The following PRDM10 variants were observed in gnomAD, a reference collection of about 807,000 sequenced individuals.
PRDM10 encodes PR/SET domain 10.
PRDM10 carries 65 observed loss-of-function variants against 133.1 expected under a neutral mutation model. That is an observed-to-expected ratio of 0.49 (90% CI 0.40 to 0.60). The LOEUF (loss-of-function observed/expected upper bound fraction) is 0.60, where lower values mean the gene tolerates loss of function less well. Ranked by LOEUF, PRDM10 falls within the 20% of genes least tolerant of loss-of-function variation. PRDM10 has a pLI of 0.00. For missense variants in PRDM10, 1,137 were observed against 1,507.1 expected, an observed-to-expected ratio of 0.75 and a Z score of 4.07; for synonymous variants, 582 against 580.4, an observed-to-expected ratio of 1.00 and a Z score of -0.04.
chr11:129,939,654 G>A (rs1248840108), intron 7 of PRDM10, among the ~76,000 whole-genome samples: 1 of 152,168 alleles, frequency 6.6e-6, no homozygotes, highest in East Asian at 1.9e-4. Context: ...GACACCCCAT[G>A]AGTGAACACG....
At chr11:129,933,758 A>C (rs953805496) in intron 9 of PRDM10, among the ~76,000 whole-genome samples, 7 of 152,172 alleles carry the variant, frequency 4.6e-5, no homozygotes, top group African/African-American at 1.2e-4. Flanking sequence ...CCATGAACAG[A>C]GTTTTGGAGA....
intron 4 of PRDM10, among the ~76,000 whole-genome samples, chr11:129,952,280 T>C (rs1180458433): frequency 1.3e-5 from 2 of 152,168 alleles, no homozygotes; most frequent in Non-Finnish European, 2.9e-5. Context: ...AAAATTTGCC[T>C]ATCGGATTGG....
intron 1 of PRDM10, among the ~76,000 whole-genome samples, chr11:129,999,765 TAA>T (rs535632149): frequency 5.9e-4 from 90 of 152,336 alleles, no homozygotes; most frequent in African/African-American, 1.8e-3. Context: ...ATTACGCTTT[TAA>T]AAAGTTACAA....
At chr11:129,992,233 G>A (rs760794803) in intron 1 of PRDM10, among the ~76,000 whole-genome samples, 23 of 152,186 alleles carry the variant, frequency 1.5e-4, no homozygotes, top group Non-Finnish European at 2.6e-4. Context: ...TAGTCCACCT[G>A]ATTCGAAATG....
chr11:130,002,568 G>C (rs1939487926), intron 1 of PRDM10, among the ~76,000 whole-genome samples, 154 bp downstream of exon 1: 1 of 151,742 alleles, frequency 6.6e-6, no homozygotes, highest in African/African-American at 2.4e-5. Context: ...CCCCCACCCG[G>C]GTCCGCGGTC....
chr11:129,968,402 C>A (rs1441968430), intron 1 of PRDM10, among the ~76,000 whole-genome samples: 4 of 152,040 alleles, frequency 2.6e-5, no homozygotes, highest in African/African-American at 9.7e-5. Flanking sequence ...GACTGATGAG[C>A]CTGCAAGATG....
Position 129,952,929 on chromosome 11 carries a change from G to T in PRDM10, c.294+2583C>A, listed in dbSNP as rs115523646. 2.1e-3 allele frequency among the ~76,000 whole-genome samples: 313 copies of T among 152,038 alleles called. 4 individuals are homozygous for T. Among genetic ancestry groups the T allele is most frequent in the African/African-American group, 6.9e-3 (285 of 41,452 alleles). On this transcript the variant is annotated intron_variant, in intron 4 of 20. Transcript: ENST00000360871. ...TCATCTGTAAATAGTTGAGTACAAT[G>T]AAATGACTTTTAGATTGCATATCTT...
intron 17 of PRDM10, among the ~76,000 whole-genome samples, chr11:129,913,729 A>G (rs1950264371): frequency 6.6e-6 from 1 of 152,216 alleles, no homozygotes; most frequent in Non-Finnish European, 1.5e-5. Flanking sequence ...CCTCCATAAG[A>G]AAAACAAGAC....
intron 17 of PRDM10, among the ~76,000 whole-genome samples, chr11:129,913,677 C>G (rs909669746): frequency 2.0e-5 from 3 of 152,188 alleles, no homozygotes; most frequent in African/African-American, 7.2e-5. Context: ...CAGGCAACTT[C>G]AGGGACTCAT....
At chr11:129,961,299 G>A (rs1951790498) in intron 1 of PRDM10, among the ~76,000 whole-genome samples, 1 of 151,716 alleles carries the variant, frequency 6.6e-6, no homozygotes, top group African/African-American at 2.4e-5. Context: ...TTTTGGGGGG[G>A]TGAGGGGAGT....
intron 1 of PRDM10, among the ~76,000 whole-genome samples, chr11:129,979,478 T>A (rs554279607): frequency 3.7e-4 from 56 of 152,240 alleles, no homozygotes; most frequent in African/African-American, 1.3e-3. Flanking sequence ...TAAGACTCAG[T>A]CAGCTCCAGG....
At chr11:129,953,395 G>A (rs770650920) in intron 4 of PRDM10, among the ~76,000 whole-genome samples, 8 of 152,006 alleles carry the variant, frequency 5.3e-5, no homozygotes, top group Non-Finnish European at 1.0e-4. Context: ...CCTGGTTCAA[G>A]CGATTCTCCT....
intron 3 of PRDM10, among the ~76,000 whole-genome samples, chr11:129,956,138 T>A (rs991304627): frequency 3.9e-5 from 6 of 152,044 alleles, no homozygotes; most frequent in African/African-American, 1.2e-4. Flanking sequence ...AAAAAAAAAA[T>A]TAATCATCAT....
chr11:129,975,817 C>T (rs1020841635), intron 1 of PRDM10, among the ~76,000 whole-genome samples: 1 of 152,214 alleles, frequency 6.6e-6, no homozygotes, highest in African/African-American at 2.4e-5. Context: ...GTGGCTGCAC[C>T]AAGTGCCTTC....
intron 1 of PRDM10, among the ~76,000 whole-genome samples, chr11:129,977,187 G>A (rs934273689): frequency 1.3e-5 from 2 of 150,926 alleles, no homozygotes; most frequent in African/African-American, 2.4e-5. Context: ...CCCTCTTATC[G>A]TACCACTGTG....
At chr11:129,943,070 T>A (rs1004561183) in intron 6 of PRDM10, among the ~76,000 whole-genome samples, 6 of 151,934 alleles carry the variant, frequency 3.9e-5, no homozygotes, top group Admixed American at 3.9e-4. Context: ...ACAAAGAAAA[T>A]CTCCCCATGA....
At chr11:129,995,951 CAAAAG>C (rs71473899) in intron 1 of PRDM10, among the ~76,000 whole-genome samples, 17,081 of 149,264 alleles carry the variant, frequency 0.11, 1,695 homozygotes, top group East Asian at 0.43. Context: ...GTCTCAAAAA[CAAAAG>C]AAAAGAAAAG....
Position 129,961,685 on chromosome 11 carries a change from G to C in PRDM10, c.-118-603C>G, listed in dbSNP as rs186893598. 8.1e-4 allele frequency among the ~76,000 whole-genome samples: 123 copies of C among 152,114 alleles called. 1 individual carries two copies. In the East Asian group the frequency reaches 0.017, roughly 21 times the overall value. On this transcript the variant is annotated intron_variant, in intron 1 of 20. Transcript: ENST00000360871. Reference sequence around the variant, plus strand: ...GAGACCAGCCTGGTTAACACGGTGAGACCCCATCTCTATTTAAGAAAAAGA... The same window carrying C: ...GAGACCAGCCTGGTTAACACGGTGACACCCCATCTCTATTTAAGAAAAAGA...
At chr11:129,907,764 C>A (rs775745025) in intron 19 of PRDM10, among the ~76,000 whole-genome samples, 1 of 151,872 alleles carries the variant, frequency 6.6e-6, no homozygotes, top group Non-Finnish European at 1.5e-5. Flanking sequence ...AAAACCCTGA[C>A]TGGGTATTTT....
Sources: gnomAD v4.1 joint callset for allele counts (sites outside exome capture counted in the v4.1 genomes callset) on GRCh38, gnomAD v4.1.1 for gene constraint, MANE v1.5 for transcripts, NCBI Gene and HGNC (gene_info 2026-07-23, HGNC 2026-07-21) for gene names.